Variants in ATP10A observed in about 807,000 individuals in gnomAD.
ATP10A encodes ATPase phospholipid transporting 10A (putative).
Under a neutral mutation model 147.8 loss-of-function variants are expected in ATP10A, and 111 were observed. That is an observed-to-expected ratio of 0.75 (90% confidence interval 0.64 to 0.88). The LOEUF (loss-of-function observed/expected upper bound fraction) is 0.88. Ranked by LOEUF, ATP10A falls within the 40% of genes least tolerant of loss-of-function variation. The pLI is 0.00. For synonymous variants in ATP10A, 875 were observed against 841.6 expected (o/e 1.04, Z -0.69); for missense variants, 1,927 against 1,959.0 (o/e 0.98, Z 0.31).
rs142719081 is a variant in ATP10A, at chr15:25,745,047, C to T, written c.655-8906G>A. Among the ~76,000 whole-genome samples the T allele has an allele frequency of 4.1e-3, 630 of 152,224 alleles. 5 individuals are homozygous for T. Among genetic ancestry groups the T allele is most frequent in the African/African-American group, 0.014 (587 of 41,538 alleles). Reference sequence around the variant, plus strand: ...TAAACTCTTAAAGGGAAATTGGGGCCGGGCGCGGTGGCTCACGCCTGTAAT... The same window carrying T: ...TAAACTCTTAAAGGGAAATTGGGGCTGGGCGCGGTGGCTCACGCCTGTAAT... On this transcript the variant is annotated intron_variant, in intron 2 of 20. Coordinates refer to ENST00000555815, the MANE Select transcript of ATP10A (RefSeq NM_024490.4).
chr15:25,755,972 T>G (rs1410450398), intron 2 of ATP10A, among the ~76,000 whole-genome samples: 2 of 152,238 alleles, frequency 1.3e-5, no homozygotes, highest in African/African-American at 4.8e-5. Context: ...AAAACATCGG[T>G]TCAACCTTCA....
intron 2 of ATP10A, among the ~76,000 whole-genome samples, chr15:25,772,291 C>T (rs1889378353): frequency 6.6e-6 from 1 of 152,092 alleles, no homozygotes; most frequent in African/African-American, 2.4e-5. Flanking sequence ...TCCGAACGTC[C>T]CCCACCCACC....
intron 1 of ATP10A, among the ~76,000 whole-genome samples, chr15:25,799,680 C>T (rs1890846992): frequency 6.6e-6 from 1 of 152,068 alleles, no homozygotes; most frequent in Non-Finnish European, 1.5e-5. Context: ...CTGCAGTGAG[C>T]TGTGATCACG....
chr15:25,755,732 T>C (rs1052423580), intron 2 of ATP10A, among the ~76,000 whole-genome samples: 4 of 152,164 alleles, frequency 2.6e-5, no homozygotes, highest in Non-Finnish European at 4.4e-5. Context: ...CTAATATGCT[T>C]TGCCCATTCA....
At chr15:25,773,755 C>T (rs1398028994) in intron 2 of ATP10A, among the ~76,000 whole-genome samples, 7 of 152,062 alleles carry the variant, frequency 4.6e-5, no homozygotes, top group Admixed American at 1.3e-4. Flanking sequence ...CACTCACTTG[C>T]AAAAATGTTT....
chr15:25,793,689 C>T (rs1348216666), intron 1 of ATP10A, among the ~76,000 whole-genome samples: 3 of 152,240 alleles, frequency 2.0e-5, no homozygotes, highest in African/African-American at 7.2e-5. Context: ...GATGGCAGAT[C>T]CCTTTCTTAG....
intron 1 of ATP10A, among the ~76,000 whole-genome samples, chr15:25,824,559 GTTTT>G (rs61050447): frequency 0.7 from 83,829 of 120,118 alleles, 27,229 homozygotes; most frequent in East Asian, 0.8. Context: ...TTTTGTGTGT[GTTTT>G]TTTTTTTTTT....
chr15:25,836,055 C>T (rs1397493918), intron 1 of ATP10A, among the ~76,000 whole-genome samples: 1 of 152,130 alleles, frequency 6.6e-6, no homozygotes, highest in African/African-American at 2.4e-5. Flanking sequence ...CCTCGTGATC[C>T]GCCCACCTCG....
chr15:25,785,726 T>C (rs1890127766), intron 1 of ATP10A, among the ~76,000 whole-genome samples: 1 of 152,220 alleles, frequency 6.6e-6, no homozygotes, highest in Admixed American at 6.5e-5. Context: ...TTGAGGCTTT[T>C]ATCAGCACGG....
At chr15:25,716,678 G>T in intron 9 of ATP10A, 52 bp downstream of exon 9, 1 of 1,458,434 alleles carries the variant, frequency 6.9e-7, no homozygotes, top group Non-Finnish European at 9.2e-7. Flanking sequence ...TGACAACCAT[G>T]GCCCGCAGCG....
chr15:25,754,377 G>T (rs987641188), intron 2 of ATP10A, among the ~76,000 whole-genome samples: 1 of 152,120 alleles, frequency 6.6e-6, no homozygotes, highest in Non-Finnish European at 1.5e-5. Context: ...CTCGTGATCT[G>T]CCTGCTTTGG....
At chr15:25,720,121 C>T (rs1414739595) in intron 7 of ATP10A, among the ~76,000 whole-genome samples, 2 of 152,016 alleles carry the variant, frequency 1.3e-5, no homozygotes, top group African/African-American at 4.8e-5. Context: ...AGTTGGGATC[C>T]TGCCCCTGGG....
intron 2 of ATP10A, among the ~76,000 whole-genome samples, chr15:25,780,116 C>T (rs149201978): frequency 6.6e-6 from 1 of 152,256 alleles, no homozygotes; most frequent in African/African-American, 2.4e-5. Context: ...ACAGTGCCCT[C>T]GCTGAGGTCC....
At position 25,757,952 on chromosome 15, in the gene ATP10A, CCGA is replaced by C. The variant is rs1327981693; in HGVS notation, c.655-21814_655-21812del. 2.5e-4 allele frequency among the ~76,000 whole-genome samples: 3 copies of C among 11,998 alleles called. 1 individual carries two copies. The highest frequency in any genetic ancestry group is 5.9e-4 in the Non-Finnish European group (3 of 5,062). 7.9% of individuals were successfully genotyped at this position (11,998 alleles called of 152,430 possible). A position where few individuals can be genotyped will look rare whatever the true frequency, so the allele number is the denominator to read the frequency against. On this transcript the variant is annotated intron_variant, in intron 2 of 20. Coordinates refer to ENST00000555815, the MANE Select transcript of ATP10A (RefSeq NM_024490.4). ...ACCACCTGCTCCACCCTAACTCATT[CCGA>C]CCACCTGCTCCACCCTAACTCATTC...
chr15:25,789,848 A>T (rs1478672593), intron 1 of ATP10A, among the ~76,000 whole-genome samples: 1 of 152,120 alleles, frequency 6.6e-6, no homozygotes, highest in African/African-American at 2.4e-5. Flanking sequence ...TATAGATGCC[A>T]GTAGGGCTCC....
At chr15:25,831,415 G>C (rs1276906022) in intron 1 of ATP10A, among the ~76,000 whole-genome samples, 1 of 152,228 alleles carries the variant, frequency 6.6e-6, no homozygotes, top group African/African-American at 2.4e-5. Context: ...ATTCCTAATA[G>C]GGGATGGAAC....
intron 2 of ATP10A, among the ~76,000 whole-genome samples, chr15:25,779,610 C>G (rs1200329962): frequency 6.6e-6 from 1 of 152,090 alleles, no homozygotes; most frequent in Non-Finnish European, 1.5e-5. Flanking sequence ...GGGGTGGCAT[C>G]GGATGGGGCC....
chr15:25,673,308 G>A (rs1346493095), downstream of ATP10A, among the ~76,000 whole-genome samples: 2 of 152,172 alleles, frequency 1.3e-5, no homozygotes, highest in East Asian at 3.9e-4. Flanking sequence ...GACACTCCTT[G>A]GCAGAAATTT....
intron 7 of ATP10A, among the ~76,000 whole-genome samples, chr15:25,721,341 G>A (rs991765100): frequency 6.6e-6 from 1 of 152,242 alleles, no homozygotes; most frequent in African/African-American, 2.4e-5. Flanking sequence ...GGCAGAGCAA[G>A]GGGACCGGAT....
Sources: allele counts gnomAD v4.1 joint callset (sites outside exome capture counted in the v4.1 genomes callset), GRCh38; gene constraint gnomAD v4.1.1; transcripts MANE v1.5; gene names NCBI Gene and HGNC (gene_info 2026-07-23, HGNC 2026-07-21).